WNK2: variants seen among roughly 807,000 people sequenced by gnomAD.
The protein encoded by WNK2 is serine/threonine-protein kinase WNK2.
WNK2 carries 67 observed loss-of-function variants against 192.1 expected under a neutral mutation model. The observed-to-expected ratio is 0.35, with a 90% CI of 0.29 to 0.43. WNK2 has a LOEUF of 0.43. WNK2 is among the 20% of genes least tolerant of loss of function. The pLI, the probability that WNK2 is intolerant of heterozygous loss-of-function variation, is 1.00. For synonymous variants in WNK2, 1,439 were observed against 1,393.9 expected, an observed-to-expected ratio of 1.03 and a Z score of -0.72; for missense variants, 2,698 against 3,089.7, an observed-to-expected ratio of 0.87 and a Z score of 3.01.
In WNK2 at chr9:93,184,954, G is replaced by A. The variant is rs1829018275; in HGVS notation, c.25G>A (p.Asp9Asn). 4 of 1,205,078 alleles carry A rather than the reference G, an allele frequency of 3.3e-6. No individual in the cohort carries two copies. The African/African-American group carries it at 6.4e-5, about 19-fold the overall frequency. 74.6% of individuals were successfully genotyped at this position (1,205,078 alleles called of 1,614,324 possible). Reference protein sequence around the residue: MDGDGGRRDVPGTLMEPGR... With the variant: MDGDGGRRNVPGTLMEPGR... ...GATGGACGGCGATGGCGGCCGCCGA[G>A]ACGTCCCCGGCACGCTGATGGAGCC... The change falls in exon 2 of 30, where the codon GAC (aspartate) becomes AAC (asparagine). Residue 9 changes from aspartate to asparagine, a missense_variant. By Grantham distance (23) the Asp-to-Asn change is conservative. Around this residue, in one of 7 missense-constraint regions of WNK2, gnomAD observed 260 missense variants for 285.6 expected, o/e 0.91. Coordinates refer to ENST00000427277, the MANE Select transcript of WNK2 (RefSeq NM_006648.4).
intron 18 of WNK2, among the ~76,000 whole-genome samples, 190 bp from the exon 19 acceptor site, chr9:93,268,437 C>T (rs956716790): frequency 1.3e-5 from 2 of 152,178 alleles, no homozygotes; most frequent in African/African-American, 2.4e-5. Flanking sequence ...CCACCTGCTT[C>T]GTGGAGGGAA....
At chr9:93,246,244 C>G (rs1841661162) in intron 7 of WNK2, among the ~76,000 whole-genome samples, 1 of 152,204 alleles carries the variant, frequency 6.6e-6, no homozygotes, top group Non-Finnish European at 1.5e-5. Flanking sequence ...GTCCCTGTCA[C>G]TCTGAGCACG....
chr9:93,286,611 C>A, intron 19 of WNK2, among the ~76,000 whole-genome samples: 1 of 152,112 alleles, frequency 6.6e-6, no homozygotes, highest in East Asian at 1.9e-4. Flanking sequence ...GGACCTTCCT[C>A]AAAAAATTAA....
intron 28 of WNK2, chr9:93,308,949 C>G (rs891346704): frequency 2.2e-5 from 24 of 1,094,198 alleles, no homozygotes; most frequent in Non-Finnish European, 2.7e-5. Flanking sequence ...CTGTTTGTGC[C>G]CAGGCTGGAG....
intron 2 of WNK2, among the ~76,000 whole-genome samples, chr9:93,193,358 T>G (rs1830669203): frequency 6.6e-6 from 1 of 152,152 alleles, no homozygotes; most frequent in Non-Finnish European, 1.5e-5. Flanking sequence ...GAGAGAAATG[T>G]GTTTCACCTG....
intron 19 of WNK2, among the ~76,000 whole-genome samples, chr9:93,282,931 A>G (rs961014402): frequency 1.3e-5 from 2 of 152,242 alleles, no homozygotes; most frequent in African/African-American, 4.8e-5. Context: ...CAAAGAATCA[A>G]AATCACTTGA....
At chr9:93,215,147 A>C (rs1337240413) in intron 2 of WNK2, among the ~76,000 whole-genome samples, 1 of 148,648 alleles carries the variant, frequency 6.7e-6, no homozygotes, top group Non-Finnish European at 1.5e-5. Flanking sequence ...TTTGAGATGG[A>C]GTCTTGCTCT....
At position 93,185,556 on chromosome 9, in the gene WNK2, C is replaced by T; in HGVS notation, c.627C>T (p.Val209=). Residue 209 remains valine (V), a synonymous_variant, in exon 2 of 30, where the codon GTC becomes GTT. Transcript: ENST00000427277. ...TGGGCCGCGGTTCCTTCAAGACGGTCTACAAGGGGCTGGACACGGAGACCT... is the reference window on the plus strand; with the variant it reads ...TGGGCCGCGGTTCCTTCAAGACGGTTTACAAGGGGCTGGACACGGAGACCT... ...IELGRGSFKT[V]YKGLDTETWV... The T allele has an allele frequency of 6.2e-7, 1 of 1,612,962 alleles. No individual in the cohort carries two copies. Among genetic ancestry groups the T allele is most frequent in the Non-Finnish European group, 8.5e-7 (1 of 1,179,624 alleles).
intron 2 of WNK2, among the ~76,000 whole-genome samples, chr9:93,213,587 A>C (rs1203809790): frequency 6.6e-6 from 1 of 152,206 alleles, no homozygotes; most frequent in Non-Finnish European, 1.5e-5. Context: ...ATTGGGAGTT[A>C]AAGACCAGCC....
At chr9:93,300,353 A>C in intron 26 of WNK2, 1 of 531,068 alleles carries the variant, frequency 1.9e-6, no homozygotes. Flanking sequence ...AGCCCCACAC[A>C]GCGTGTGTGC....
intron 2 of WNK2, among the ~76,000 whole-genome samples, chr9:93,192,009 G>T (rs1254337410): frequency 6.6e-6 from 1 of 151,156 alleles, no homozygotes; most frequent in Non-Finnish European, 1.5e-5. Context: ...TGGCGACAGA[G>T]CAAGACTCCG....
chr9:93,308,802 A>C lies in WNK2; in HGVS notation c.6516+218A>C, dbSNP rs1013548899. ...GCTCCGCAGCTGGCAGGTGGAAAGG[A>C]CAGGCCAGGCCAGGCCAGGCCAGGG... On this transcript the variant is annotated intron_variant, in intron 28 of 29. Coordinates refer to ENST00000427277, the MANE Select transcript of WNK2 (RefSeq NM_006648.4). The C allele has an allele frequency of 2.3e-5, 32 of 1,420,562 alleles. 2 individuals are homozygous for C. The highest frequency in any genetic ancestry group is 1.4e-4 in the South Asian group (9 of 65,810). 88.0% of individuals were successfully genotyped at this position (1,420,562 alleles called of 1,614,324 possible).
intron 21 of WNK2, among the ~76,000 whole-genome samples, 192 bp from the exon 22 acceptor site, chr9:93,292,116 A>G (rs1164587726): frequency 6.6e-6 from 1 of 152,118 alleles, no homozygotes; most frequent in Non-Finnish European, 1.5e-5. Flanking sequence ...GAGTATTTTT[A>G]GTTTCCAAAA....
chr9:93,292,263 C>A (rs776770977), intron 21 of WNK2, 45 bp from the exon 22 acceptor site: 1 of 1,605,522 alleles, frequency 6.2e-7, no homozygotes. Flanking sequence ...ATCTCTGCCT[C>A]TTCCTCCTCC....
intron 28 of WNK2, chr9:93,315,914 T>C (rs1023621905): frequency 5.9e-5 from 9 of 152,182 alleles, no homozygotes; most frequent in African/African-American, 2.2e-4. Flanking sequence ...ATTTTTTTTT[T>C]CCTAAAAGCT....
chr9:93,260,676 A>G (rs143445088), intron 12 of WNK2, among the ~76,000 whole-genome samples: 10 of 152,318 alleles, frequency 6.6e-5, no homozygotes, highest in African/African-American at 2.4e-4. Context: ...GGCTTTGTGC[A>G]TAGAGAAGGA....
intron 19 of WNK2, among the ~76,000 whole-genome samples, chr9:93,269,627 C>T (rs1845736302): frequency 6.6e-6 from 1 of 152,132 alleles, no homozygotes; most frequent in African/African-American, 2.4e-5. Context: ...AGTATATGTT[C>T]GTATATTACT....
In WNK2 at chr9:93,289,203, C is replaced by T. The variant is rs370288920; in HGVS notation, c.4449C>T (p.Ser1483=). The change falls in exon 20 of 30, where the codon AGC becomes AGT. Residue 1483 remains serine (S), a synonymous_variant. Transcript: ENST00000427277. Reference sequence around the variant, plus strand: ...TGCCACCTCCTGCACCTGAGCCCAGCCCCCACAGCGGGACCCCACAGCCCG... The same window carrying T: ...TGCCACCTCCTGCACCTGAGCCCAGTCCCCACAGCGGGACCCCACAGCCCG... ...EPLPPPAPEP[S]PHSGTPQPAL... is the part of the protein sequence containing the mutation. 49 of 1,602,608 alleles carry T rather than the reference C, an allele frequency of 3.1e-5. No individual in the cohort carries two copies. The highest frequency in any genetic ancestry group is 3.9e-5 in the Non-Finnish European group (46 of 1,177,244).
chr9:93,247,773 G>A lies in WNK2; in HGVS notation c.1773G>A (p.Glu591=). The part of the protein sequence containing the change: ...AGQPGPPEPE[E]PEADQHLLPP... The stretch of plus-strand genomic sequence containing the variant: ...AGCCCGGGCCACCAGAGCCCGAGGA[G>A]CCGGAGGCCGACCAGCACCTCCTGC... Residue 591 remains glutamate, a synonymous_variant, in exon 8 of 30, where the codon GAG becomes GAA. Coordinates refer to ENST00000427277, the MANE Select transcript of WNK2 (RefSeq NM_006648.4). The surrounding 1 kb of genome is among the most constrained non-coding windows in gnomAD (Gnocchi z 5.2). 2 of 1,549,860 alleles carry A rather than the reference G, an allele frequency of 1.3e-6. No individual in the cohort carries two copies. Among genetic ancestry groups the A allele is most frequent in the Non-Finnish European group, 1.7e-6 (2 of 1,148,834 alleles).
Sources: gnomAD v4.1 joint callset for allele counts (sites outside exome capture counted in the v4.1 genomes callset) on GRCh38, gnomAD v4.1.1 for gene constraint, gnomAD v4.1.1 regional missense constraint, Gnocchi (gnomAD v3.1) non-coding constraint, MANE v1.5 for transcripts, NCBI Gene and HGNC (gene_info 2026-07-23, HGNC 2026-07-21) for gene names.